The following MPC2 variants were observed in gnomAD, a reference collection of about 807,000 sequenced individuals.
The protein encoded by MPC2 is mitochondrial pyruvate carrier 2.
A neutral mutation model predicts 19.2 loss-of-function variants in MPC2; 19 were observed. That is an observed-to-expected ratio of 0.99 (90% CI 0.69 to 1.45). The LOEUF (loss-of-function observed/expected upper bound fraction) is 1.45. Ranked by LOEUF, MPC2 falls within the 40% of genes most tolerant of loss-of-function variation. The pLI is 0.00. For synonymous variants in MPC2, 61 were observed against 54.3 expected (o/e 1.12, Z -0.54); for missense variants, 122 against 153.0 (o/e 0.80, Z 1.07).
Position 167,937,067 on chromosome 1 carries a change from C to A in MPC2, c.-186G>T. 2 of 1,437,128 alleles carry A rather than the reference C, an allele frequency of 1.4e-6. No homozygotes were observed. Among genetic ancestry groups the A allele is most frequent in the Non-Finnish European group, 1.9e-6 (2 of 1,038,442 alleles). 89.0% of individuals were successfully genotyped at this position (1,437,128 alleles called of 1,614,324 possible). Reference sequence around the variant, plus strand: ...TCGCCGCCTAGAGTGGGGGAGGGGGCACGCTGCCGGGTCTGTTGGAGGTGG... The same window carrying A: ...TCGCCGCCTAGAGTGGGGGAGGGGGAACGCTGCCGGGTCTGTTGGAGGTGG... On this transcript the variant is annotated 5_prime_UTR_variant, in exon 1 of 6. Transcript: ENST00000271373.
chr1:167,933,150 T>C (rs2102560248), intron 2 of MPC2, among the ~76,000 whole-genome samples: 1 of 151,466 alleles, frequency 6.6e-6, no homozygotes, highest in Admixed American at 6.6e-5. Flanking sequence ...AATATGTATC[T>C]ATACATAAAA....
In MPC2 at chr1:167,935,916, C is replaced by T; in HGVS notation, c.-57-18G>A. 1 of 1,176,196 alleles carries T rather than the reference C, an allele frequency of 8.5e-7. No individual in the cohort carries two copies. The highest frequency in any genetic ancestry group is 1.2e-6 in the Non-Finnish European group (1 of 810,574). 72.9% of individuals were successfully genotyped at this position (1,176,196 alleles called of 1,614,324 possible). The stretch of plus-strand genomic sequence containing the variant: ...GTCCCTGGCTGACAACGAAGGGGAG[C>T]TAGTCACTTTTCCTGCCACGACGAC... On this transcript the variant is annotated intron_variant, in intron 1 of 5. Transcript: ENST00000271373.
chr1:167,925,355 CCAGTAGAGTTGGAAGCAGTTTATA>C (rs1245901728), intron 2 of MPC2, among the ~76,000 whole-genome samples: 3 of 147,172 alleles, frequency 2.0e-5, no homozygotes, highest in Non-Finnish European at 1.5e-5. Flanking sequence ...GGAAAGTTAG[CCAGTAGAGTTGGAAGCAGTTTATA>C]CTAACATTTA....
intron 2 of MPC2, among the ~76,000 whole-genome samples, chr1:167,932,808 CAAAA>C (rs965449372): frequency 1.8e-5 from 1 of 54,960 alleles, no homozygotes. Flanking sequence ...GACTCTGTCT[CAAAA>C]AAAAAAAAAA....
At chr1:167,932,089 A>T (rs1468565944) in intron 2 of MPC2, among the ~76,000 whole-genome samples, 1 of 152,210 alleles carries the variant, frequency 6.6e-6, no homozygotes, top group African/African-American at 2.4e-5. Context: ...AATGTAATTC[A>T]GTAAAAGGAG....
intron 2 of MPC2, among the ~76,000 whole-genome samples, chr1:167,931,223 C>T (rs1024079478): frequency 6.6e-6 from 1 of 152,310 alleles, no homozygotes; most frequent in East Asian, 1.9e-4. Flanking sequence ...TGAGCTACCG[C>T]GCCCAGCTGA....
chr1:167,936,084 C>G, intron 1 of MPC2, 186 bp from the exon 2 acceptor site: 1 of 571,808 alleles, frequency 1.7e-6, no homozygotes, highest in East Asian at 3.0e-5. Context: ...CGGCCCCCGG[C>G]AGGAGAGAGG....
intron 3 of MPC2, among the ~76,000 whole-genome samples, chr1:167,922,705 A>C (rs1266778326): frequency 6.6e-6 from 1 of 152,146 alleles, no homozygotes. Context: ...AAGAGACTAA[A>C]CTTGCCCAAG....
rs1553200837 is a variant in MPC2 at position 167,925,474 on chromosome 1, T to TAC, written c.110-939_110-938dup. ...ATATATATATATATATATATATATA[T>TAC]ACATATACATATACACACACATATA... On this transcript the variant is annotated intron_variant, in intron 2 of 5. Coordinates refer to ENST00000271373, the MANE Select transcript of MPC2 (RefSeq NM_001143674.4). 4.5e-4 allele frequency among the ~76,000 whole-genome samples: 44 copies of TAC among 96,816 alleles called. No homozygotes were observed. In the South Asian group the frequency reaches 7.6e-3, roughly 17 times the overall value. The allele number at this position is 96,816 out of a possible 152,430, so 63.5% of individuals were successfully genotyped here.
chr1:167,918,839 T>C (rs965817966), intron 5 of MPC2, among the ~76,000 whole-genome samples: 2 of 152,074 alleles, frequency 1.3e-5, no homozygotes, highest in Non-Finnish European at 2.9e-5. Flanking sequence ...GTGGTCTGCC[T>C]GCCTCGGCCT....
At chr1:167,929,258 T>C (rs1023126517) in intron 2 of MPC2, among the ~76,000 whole-genome samples, 15 of 151,996 alleles carry the variant, frequency 9.9e-5, no homozygotes, top group African/African-American at 3.6e-4. Flanking sequence ...CTTGGGAAGG[T>C]TGAGGCAGGG....
chr1:167,929,002 C>G (rs1553201193), intron 2 of MPC2, among the ~76,000 whole-genome samples: 1 of 152,170 alleles, frequency 6.6e-6, no homozygotes, highest in Non-Finnish European at 1.5e-5. Flanking sequence ...AACAGTACTA[C>G]TGGATGTTGA....
chr1:167,936,615 G>A (rs1225404429), intron 1 of MPC2: 4 of 355,566 alleles, frequency 1.1e-5, no homozygotes, highest in Non-Finnish European at 2.1e-5. Flanking sequence ...GGGAGGAGTC[G>A]CCATCGCCTC....
At chr1:167,929,500 GA>G (rs1242764235) in intron 2 of MPC2, among the ~76,000 whole-genome samples, 2 of 151,996 alleles carry the variant, frequency 1.3e-5, no homozygotes, top group East Asian at 3.9e-4. Flanking sequence ...ACTTTTCATA[GA>G]ATTTGAGAAA....
chr1:167,936,923 T>G lies in MPC2; in HGVS notation c.-58+16A>C. 1 of 1,604,216 alleles carries G rather than the reference T, an allele frequency of 6.2e-7. No individual in the cohort carries two copies. The highest frequency in any genetic ancestry group is 8.5e-7 in the Non-Finnish European group (1 of 1,176,624). Reference sequence around the variant, plus strand: ...GCTCAGGCAGAGCCATGTCTCGGGGTGGCTCCTACCCACACCTGTTGTGGG... The same window carrying G: ...GCTCAGGCAGAGCCATGTCTCGGGGGGGCTCCTACCCACACCTGTTGTGGG... On this transcript the variant is annotated intron_variant, in intron 1 of 5. Coordinates refer to ENST00000271373, the MANE Select transcript of MPC2 (RefSeq NM_001143674.4).
chr1:167,936,871 C>T, intron 1 of MPC2, 68 bp downstream of exon 1: 1 of 1,517,386 alleles, frequency 6.6e-7, no homozygotes, highest in South Asian at 1.2e-5. Context: ...CTCCCCTCCC[C>T]CACGCGGTGG....
At position 167,935,892 on chromosome 1, in the gene MPC2, T is replaced by C; in HGVS notation, c.-51A>G. 7.1e-7 allele frequency: 1 copy of C among 1,399,766 alleles called. No homozygotes were observed. The highest frequency in any genetic ancestry group is 9.9e-7 in the Non-Finnish European group (1 of 1,011,738). 86.7% of individuals were successfully genotyped at this position (1,399,766 alleles called of 1,614,324 possible). A position where few individuals can be genotyped will look rare whatever the true frequency, so the allele number is the denominator to read the frequency against. The stretch of plus-strand genomic sequence containing the variant: ...GGGTGGGAGCGTGGCTGTGTTCTCG[T>C]CCCTGGCTGACAACGAAGGGGAGCT... On this transcript the variant is annotated 5_prime_UTR_variant, in exon 2 of 6. Coordinates refer to ENST00000271373, the MANE Select transcript of MPC2 (RefSeq NM_001143674.4).
chr1:167,925,300 C>T (rs1397111614), intron 2 of MPC2, among the ~76,000 whole-genome samples: 1 of 151,508 alleles, frequency 6.6e-6, no homozygotes, highest in Non-Finnish European at 1.5e-5. Context: ...ACTATTCATA[C>T]TTGTACCCCT....
At position 167,917,597 on chromosome 1, in the gene MPC2, CAAAAAA is replaced by C. The variant is rs36120795; in HGVS notation, c.*720_*725del. Reference sequence around the variant, plus strand: ...TGGGCCACAGAGCGAGACCCTGTCTCAAAAAAAAAAAAAAAAAAAAAGTCACAACAG... The same window carrying C: ...TGGGCCACAGAGCGAGACCCTGTCTCAAAAAAAAAAAAAAAGTCACAACAG... On this transcript the variant is annotated 3_prime_UTR_variant, in exon 6 of 6. Transcript: ENST00000271373. 2 of 79,838 alleles carry C rather than the reference CAAAAAA, an allele frequency of 2.5e-5. No individual in the cohort carries two copies. The highest frequency in any genetic ancestry group is 5.0e-5 in the African/African-American group (1 of 20,182). 4.9% of individuals were successfully genotyped at this position (79,838 alleles called of 1,614,324 possible). A position where few individuals can be genotyped will look rare whatever the true frequency, so the allele number is the denominator to read the frequency against.
Sources: allele counts gnomAD v4.1 joint callset (sites outside exome capture counted in the v4.1 genomes callset), GRCh38; gene constraint gnomAD v4.1.1; transcripts MANE v1.5; gene names NCBI Gene and HGNC (gene_info 2026-07-23, HGNC 2026-07-21).